LRRC9: variants seen among roughly 807,000 people sequenced by gnomAD.
LRRC9 encodes leucine rich repeat containing 9.
A neutral mutation model predicts 63.2 loss-of-function variants in LRRC9; 122 were observed. The ratio of observed to expected loss-of-function variants is 1.93; its 90% CI spans 1.67 to 2.24. The LOEUF (loss-of-function observed/expected upper bound fraction) is 2.24. Among genes scored for constraint, LRRC9 ranks in the 30% most tolerant of loss-of-function variants. LRRC9 has a pLI of 0.00. For missense variants in LRRC9, 1,071 were observed against 627.7 expected (o/e 1.71, Z -7.55); for synonymous variants, 366 against 213.1 (o/e 1.72, Z -6.25).
chr14:60,055,340 T>C (rs760274801), intron 30 of LRRC9, among the ~76,000 whole-genome samples: 2 of 152,240 alleles, frequency 1.3e-5, no homozygotes, highest in Non-Finnish European at 2.9e-5. Context: ...ACTCAAATCT[T>C]TGTCACAGGC....
At position 59,938,490 on chromosome 14, in the gene LRRC9, C is replaced by T. The variant is rs1161199838; in HGVS notation, c.644C>T (p.Thr215Ile). 4 of 698,366 alleles carry T rather than the reference C, an allele frequency of 5.7e-6. No homozygotes were observed. Among genetic ancestry groups the T allele is most frequent in the South Asian group, 1.5e-5 (1 of 67,152 alleles). 43.3% of individuals were successfully genotyped at this position (698,366 alleles called of 1,614,324 possible). ...GTTTGTCTTCTGTGTAATTATTCCA[C>T]ACATGTATTATATCATTTGCCTTGC... is the stretch of plus-strand genomic sequence containing the variant. The change falls in exon 7 of 32, where the codon ACA becomes ATA. Residue 215 changes from threonine (T) to isoleucine (I), a missense_variant. Coordinates refer to ENST00000445360, the Ensembl canonical transcript of LRRC9. The surrounding 1 kb of genome is among the most constrained non-coding windows in gnomAD (Gnocchi z 4.2).
At chr14:60,013,885 C>G (rs985705934) in intron 23 of LRRC9, among the ~76,000 whole-genome samples, 3 of 152,024 alleles carry the variant, frequency 2.0e-5, no homozygotes, top group Non-Finnish European at 4.4e-5. Context: ...AATTGATGAA[C>G]GAAGACCATT....
At chr14:59,944,782 T>G in intron 8 of LRRC9, 38 bp downstream of exon 8, 2 of 608,946 alleles carry the variant, frequency 3.3e-6, no homozygotes, top group South Asian at 2.1e-5. Context: ...TGGCCATACC[T>G]TAAGAAAACC....
chr14:59,931,279 T>C (rs1027550763), intron 4 of LRRC9, among the ~76,000 whole-genome samples: 3 of 152,102 alleles, frequency 2.0e-5, no homozygotes, highest in African/African-American at 7.2e-5. Flanking sequence ...AGGTAGGGCA[T>C]TGTTATTCTT....
At chr14:59,954,779 G>A (rs933259272) in intron 8 of LRRC9, among the ~76,000 whole-genome samples, 2 of 152,092 alleles carry the variant, frequency 1.3e-5, no homozygotes, top group African/African-American at 2.4e-5. Flanking sequence ...ATTGGCTGTG[G>A]GTTTGTCATA....
intron 19 of LRRC9, among the ~76,000 whole-genome samples, chr14:60,000,132 G>A (rs1453792183): frequency 1.3e-5 from 2 of 152,074 alleles, no homozygotes; most frequent in Non-Finnish European, 2.9e-5. Flanking sequence ...ATGAAATCAT[G>A]TACTTCACAG....
At chr14:59,937,848 C>T (rs965471286) in intron 6 of LRRC9, among the ~76,000 whole-genome samples, 3 of 151,864 alleles carry the variant, frequency 2.0e-5, no homozygotes, top group African/African-American at 7.3e-5. Flanking sequence ...CTTTAGTTGA[C>T]CATAATAGGT....
intron 8 of LRRC9, among the ~76,000 whole-genome samples, chr14:59,946,612 C>T (rs1452855815): frequency 2.8e-5 from 4 of 145,114 alleles, no homozygotes; most frequent in Non-Finnish European, 4.5e-5. Context: ...CCCACTAACT[C>T]GTCATCTAGC....
chr14:59,980,481 T>C (rs997491066), intron 15 of LRRC9, among the ~76,000 whole-genome samples: 1 of 152,200 alleles, frequency 6.6e-6, no homozygotes, highest in African/African-American at 2.4e-5. Context: ...TCTTAAACAG[T>C]ATCTTTTTCC....
chr14:59,941,282 G>T (rs774081561), intron 7 of LRRC9, among the ~76,000 whole-genome samples: 1 of 151,804 alleles, frequency 6.6e-6, no homozygotes, highest in Non-Finnish European at 1.5e-5. Context: ...CTGAGAAGAT[G>T]GGAAACATAA....
At chr14:60,045,206 GA>G (rs1893312580) in intron 29 of LRRC9, among the ~76,000 whole-genome samples, 1 of 151,940 alleles carries the variant, frequency 6.6e-6, no homozygotes, top group African/African-American at 2.4e-5. Flanking sequence ...CTTTATAGGT[GA>G]AATGAGTTTC....
chr14:59,992,681 T>A (rs1250603155), intron 17 of LRRC9, among the ~76,000 whole-genome samples: 2 of 152,088 alleles, frequency 1.3e-5, no homozygotes, highest in African/African-American at 4.8e-5. Flanking sequence ...TAGTAGCCAA[T>A]TCGATCAACT....
intron 29 of LRRC9, among the ~76,000 whole-genome samples, chr14:60,034,015 C>CTTTTTTTTTTTTT (rs1157239003): frequency 1.7e-5 from 2 of 116,058 alleles, no homozygotes; most frequent in African/African-American, 3.7e-5. Context: ...TTTTTTCTTT[C>CTTTTTTTTTTTTT]TTTTTTTTTT....
chr14:60,059,738 C>G (rs541006900), intron 31 of LRRC9, among the ~76,000 whole-genome samples: 1 of 152,310 alleles, frequency 6.6e-6, no homozygotes, highest in African/African-American at 2.4e-5. Context: ...TTGAAGCTAG[C>G]AAAGACTGCT....
intron 30 of LRRC9, 190 bp from the exon 31 acceptor site, chr14:60,057,688 G>GAGGTTAAC: frequency 7.5e-6 from 3 of 397,820 alleles, no homozygotes; most frequent in Non-Finnish European, 1.3e-5. Context: ...GGTTCTGAGG[G>GAGGTTAAC]AGGTTAACTC....
intron 7 of LRRC9, among the ~76,000 whole-genome samples, chr14:59,941,154 A>G (rs1017841606): frequency 6.6e-6 from 1 of 151,942 alleles, no homozygotes; most frequent in African/African-American, 2.4e-5. Context: ...GTAAAATATC[A>G]TAATTTTTGT....
intron 15 of LRRC9, among the ~76,000 whole-genome samples, chr14:59,980,656 T>C (rs1306223271): frequency 6.6e-6 from 1 of 152,236 alleles, no homozygotes; most frequent in African/African-American, 2.4e-5. Context: ...TTTACTCAGG[T>C]CCTCTCTTAC....
intron 29 of LRRC9, among the ~76,000 whole-genome samples, chr14:60,038,125 A>G (rs1037286126): frequency 6.6e-6 from 1 of 152,098 alleles, no homozygotes; most frequent in African/African-American, 2.4e-5. Flanking sequence ...ATTGGTCTAT[A>G]TCTCTGTTTT....
At chr14:60,052,587 A>G (rs1893975788) in intron 29 of LRRC9, among the ~76,000 whole-genome samples, 1 of 152,242 alleles carries the variant, frequency 6.6e-6, no homozygotes, top group Admixed American at 6.5e-5. Context: ...AACCAGCAAT[A>G]GCTATCCTTG....
Sources: allele counts gnomAD v4.1 joint callset (sites outside exome capture counted in the v4.1 genomes callset), GRCh38; gene constraint gnomAD v4.1.1; non-coding constraint Gnocchi (gnomAD v3.1); transcripts MANE v1.5; gene names NCBI Gene and HGNC (gene_info 2026-07-23, HGNC 2026-07-21).